PPME1: variants seen among roughly 807,000 people sequenced by gnomAD.
The protein encoded by PPME1 is testicular secretory protein Li 39.
In PPME1, 17 loss-of-function variants were observed where a neutral mutation model predicts 56.9. That is an observed-to-expected ratio of 0.30 (90% CI 0.20 to 0.45). PPME1 has a LOEUF of 0.45. Ranked by LOEUF, PPME1 falls within the 20% of genes least tolerant of loss-of-function variation. The pLI is 1.00. For missense variants in PPME1, 357 were observed against 483.2 expected, an observed-to-expected ratio of 0.74 and a Z score of 2.45; for synonymous variants, 122 against 156.2, an observed-to-expected ratio of 0.78 and a Z score of 1.63.
chr11:74,216,679 AAAGAT>A (rs1224110499), intron 3 of PPME1, among the ~76,000 whole-genome samples: 1 of 152,146 alleles, frequency 6.6e-6, no homozygotes, highest in Non-Finnish European at 1.5e-5. Flanking sequence ...AAAAAGTAGA[AAAGAT>A]CAACAAAATA....
At chr11:74,196,558 A>G (rs778586589) in intron 1 of PPME1, among the ~76,000 whole-genome samples, 2 of 152,178 alleles carry the variant, frequency 1.3e-5, no homozygotes, top group East Asian at 1.9e-4. Context: ...AGGGGTCCCA[A>G]TCCAGACCTG....
intron 3 of PPME1, among the ~76,000 whole-genome samples, chr11:74,220,015 G>A (rs1233964599): frequency 1.3e-5 from 2 of 151,992 alleles, no homozygotes; most frequent in African/African-American, 2.4e-5. Flanking sequence ...AATATCTAAT[G>A]TACTCCACAA....
chr11:74,207,239 G>A (rs1323890580), intron 3 of PPME1, among the ~76,000 whole-genome samples: 1 of 152,208 alleles, frequency 6.6e-6, no homozygotes, highest in African/African-American at 2.4e-5. Context: ...AATTGTGAAT[G>A]TATTCTTCCA....
chr11:74,211,847 T>C (rs998198967), intron 3 of PPME1, among the ~76,000 whole-genome samples: 1 of 152,038 alleles, frequency 6.6e-6, no homozygotes, highest in Non-Finnish European at 1.5e-5. Context: ...ATATAGATAA[T>C]GGATAAATTT....
rs555717083 is a variant in PPME1, at chr11:74,211,831, G to A, written c.288+7386G>A. ...AGATAAGAAGTGTTAGTTGACAGAA[G>A]AAGAAATATAGATAATGGATAAATT... On this transcript the variant is annotated intron_variant, in intron 3 of 13. Coordinates refer to ENST00000328257, the MANE Select transcript of PPME1 (RefSeq NM_016147.3). 3.9e-5 allele frequency among the ~76,000 whole-genome samples: 6 copies of A among 152,216 alleles called. No individual in the cohort carries two copies. The East Asian group carries it at 1.2e-3, about 29-fold the overall frequency.
intron 5 of PPME1, among the ~76,000 whole-genome samples, chr11:74,228,593 C>T (rs1306314334): frequency 2.0e-5 from 3 of 152,158 alleles, no homozygotes; most frequent in Admixed American, 6.6e-5. Context: ...CTCGTTGAAA[C>T]ATTGAAAATA....
intron 9 of PPME1, among the ~76,000 whole-genome samples, chr11:74,241,355 A>G (rs1407176669): frequency 6.6e-6 from 1 of 152,218 alleles, no homozygotes; most frequent in African/African-American, 2.4e-5. Flanking sequence ...GTGACATTGT[A>G]TGGCTATACC....
intron 7 of PPME1, among the ~76,000 whole-genome samples, chr11:74,235,081 AATC>A (rs1456060745): frequency 6.6e-6 from 1 of 152,198 alleles, no homozygotes; most frequent in Non-Finnish European, 1.5e-5. Flanking sequence ...TAAAGTAAGA[AATC>A]ATGTCATTAT....
intron 11 of PPME1, chr11:74,248,142 G>T (rs922529079): frequency 2.0e-5 from 3 of 152,458 alleles, no homozygotes; most frequent in African/African-American, 7.2e-5. Context: ...TTTTGTGGGG[G>T]CTCTTGCTTT....
At chr11:74,188,144 A>C (rs1044612370) in intron 1 of PPME1, among the ~76,000 whole-genome samples, 1 of 151,462 alleles carries the variant, frequency 6.6e-6, no homozygotes. Context: ...TTTGTAGTAG[A>C]CATATCTAGA....
chr11:74,184,704 T>C (rs550123983), intron 1 of PPME1, among the ~76,000 whole-genome samples: 3 of 152,320 alleles, frequency 2.0e-5, no homozygotes, highest in African/African-American at 7.2e-5. Flanking sequence ...TTATGAGCTC[T>C]GATGGATTAT....
chr11:74,230,492 A>C lies in PPME1; in HGVS notation c.553+93A>C. On this transcript the variant is annotated intron_variant, in intron 6 of 13. Transcript: ENST00000328257. The surrounding 1 kb of genome is among the most constrained non-coding windows in gnomAD (Gnocchi z 4.9). ...CTTGTCTTAGTTTATTGTTGATTTCATTCATCTTGAAATATGTCCCTCTGT... is the reference window on the plus strand; with the variant it reads ...CTTGTCTTAGTTTATTGTTGATTTCCTTCATCTTGAAATATGTCCCTCTGT... The C allele has an allele frequency of 4.3e-6, 6 of 1,404,098 alleles. No individual in the cohort carries two copies. Among genetic ancestry groups the C allele is most frequent in the Non-Finnish European group, 5.9e-6 (6 of 1,011,944 alleles). The allele number at this position is 1,404,098 out of a possible 1,614,324, so 87.0% of individuals were successfully genotyped here.
intron 1 of PPME1, among the ~76,000 whole-genome samples, chr11:74,175,976 C>T (rs60474185): frequency 0.024 from 3,717 of 152,120 alleles, 139 homozygotes; most frequent in African/African-American, 0.084. Context: ...AGTTTGAAGC[C>T]CAACTTAGGT....
intron 8 of PPME1, 81 bp downstream of exon 8, chr11:74,236,047 A>G: frequency 1.3e-6 from 2 of 1,538,846 alleles, no homozygotes; most frequent in Middle Eastern, 1.7e-4. Context: ...TTTGTCTTAC[A>G]CCAATTCTAC....
chr11:74,245,896 A>T lies in PPME1; in HGVS notation c.835-180A>T, dbSNP rs1410697860. On this transcript the variant is annotated intron_variant, in intron 9 of 13. Coordinates refer to ENST00000328257, the MANE Select transcript of PPME1 (RefSeq NM_016147.3). ...TGTAATTATCTTAAAATGAATATTA[A>T]CAGTGACCCATACAACAAGACTGTT... The T allele has an allele frequency of 5.7e-6, 3 of 525,462 alleles. No individual in the cohort carries two copies. The African/African-American group carries it at 5.9e-5, about 10-fold the overall frequency. The allele number at this position is 525,462 out of a possible 1,614,324, so 32.5% of individuals were successfully genotyped here.
chr11:74,179,763 G>A (rs1857484516), intron 1 of PPME1, among the ~76,000 whole-genome samples: 1 of 152,118 alleles, frequency 6.6e-6, no homozygotes, highest in African/African-American at 2.4e-5. Flanking sequence ...TTGGAGTAAG[G>A]AACACTTCAG....
intron 5 of PPME1, among the ~76,000 whole-genome samples, chr11:74,228,761 T>G (rs1475761482): frequency 6.6e-6 from 1 of 152,180 alleles, no homozygotes; most frequent in African/African-American, 2.4e-5. Context: ...GCTGAAGGAT[T>G]ACGTTAGGTG....
intron 8 of PPME1, among the ~76,000 whole-genome samples, chr11:74,237,275 CTTTT>C (rs763251745): frequency 2.3e-5 from 3 of 128,016 alleles, no homozygotes. Flanking sequence ...GTCTGGTTGT[CTTTT>C]TTTTTTTTTT....
chr11:74,212,461 C>CT (rs910015428), intron 3 of PPME1, among the ~76,000 whole-genome samples: 1 of 152,168 alleles, frequency 6.6e-6, no homozygotes, highest in African/African-American at 2.4e-5. Flanking sequence ...AGTCCTGGTG[C>CT]TGTGCTGGTG....
Sources: gnomAD v4.1 joint callset for allele counts (sites outside exome capture counted in the v4.1 genomes callset) on GRCh38, gnomAD v4.1.1 for gene constraint, Gnocchi (gnomAD v3.1) non-coding constraint, MANE v1.5 for transcripts, NCBI Gene and HGNC (gene_info 2026-07-23, HGNC 2026-07-21) for gene names.